The following SYNPR variants were observed in gnomAD, a reference collection of about 807,000 sequenced individuals.
SYNPR encodes the protein synaptoporin.
In SYNPR, 23 loss-of-function variants were observed where a neutral mutation model predicts 32.9. That is an observed-to-expected ratio of 0.70 (90% CI 0.50 to 0.99). The LOEUF is 0.99. SYNPR is among the 50% of genes least tolerant of loss of function. SYNPR has a pLI of 0.00. For missense variants in SYNPR, 318 were observed against 349.3 expected, an observed-to-expected ratio of 0.91 and a Z score of 0.71; for synonymous variants, 146 against 135.9, an observed-to-expected ratio of 1.07 and a Z score of -0.52.
intron 3 of SYNPR, chr3:63,545,333 G>A (rs1702381066): frequency 6.6e-6 from 1 of 152,058 alleles, no homozygotes; most frequent in South Asian, 2.1e-4. Flanking sequence ...TTAACATTTT[G>A]GGAATTAAGA....
At chr3:63,613,441 T>C (rs1021461419) in intron 5 of SYNPR, among the ~76,000 whole-genome samples, 3 of 151,478 alleles carry the variant, frequency 2.0e-5, no homozygotes, top group African/African-American at 4.9e-5. Context: ...GGTTCTCAAT[T>C]AGTGTAAAAA....
intron 4 of SYNPR, among the ~76,000 whole-genome samples, chr3:63,576,704 T>A (rs1230907634): frequency 6.7e-6 from 1 of 148,426 alleles, no homozygotes; most frequent in Non-Finnish European, 1.5e-5. Flanking sequence ...GGCAGGAGAA[T>A]CACTTGAACC....
intron 2 of SYNPR, among the ~76,000 whole-genome samples, chr3:63,368,235 G>T (rs1408716761): frequency 1.3e-5 from 2 of 152,178 alleles, no homozygotes; most frequent in Admixed American, 6.5e-5. Context: ...GCCTTGGTTA[G>T]CACATTGTCT....
intron 3 of SYNPR, among the ~76,000 whole-genome samples, chr3:63,512,135 C>T (rs1701709123): frequency 6.6e-6 from 1 of 152,066 alleles, no homozygotes; most frequent in Non-Finnish European, 1.5e-5. Flanking sequence ...AATCTCTTTG[C>T]TTACATAATA....
chr3:63,474,696 A>C (rs758844754), intron 2 of SYNPR, among the ~76,000 whole-genome samples: 6 of 152,128 alleles, frequency 3.9e-5, no homozygotes, highest in Non-Finnish European at 7.4e-5. Flanking sequence ...GTTTGTTGGC[A>C]AACTCAACTT....
At chr3:63,291,198 T>C (rs1409920154) in intron 2 of SYNPR, among the ~76,000 whole-genome samples, 2 of 149,966 alleles carry the variant, frequency 1.3e-5, no homozygotes, top group Non-Finnish European at 3.0e-5. Flanking sequence ...CTCAAGTTTC[T>C]CAGGGATTTT....
chr3:63,242,577 G>C (rs1240373581), intron 1 of SYNPR, among the ~76,000 whole-genome samples: 1 of 152,078 alleles, frequency 6.6e-6, no homozygotes, highest in Non-Finnish European at 1.5e-5. Flanking sequence ...TCAAATGAGT[G>C]AAACTCACAG....
chr3:63,503,963 T>C lies in SYNPR; in HGVS notation c.209+23007T>C, dbSNP rs181496640. ...CCCAGCATTAACAGATTATAGAAGA[T>C]TACCATTTCCTACTTAGTATTCCAT... On this transcript the variant is annotated intron_variant, in intron 3 of 5. Transcript: ENST00000478300. Among the ~76,000 whole-genome samples, 39 of 152,224 alleles carry C rather than the reference T, an allele frequency of 2.6e-4. No individual in the cohort carries two copies. In the East Asian group the frequency reaches 4.4e-3, roughly 17 times the overall value.
intron 2 of SYNPR, among the ~76,000 whole-genome samples, chr3:63,401,260 T>A (rs974363999): frequency 1.3e-5 from 2 of 152,168 alleles, no homozygotes; most frequent in African/African-American, 2.4e-5. Flanking sequence ...GATAGCTGAA[T>A]TTTCTTATGA....
chr3:63,469,503 A>T (rs1360316850), intron 2 of SYNPR, among the ~76,000 whole-genome samples: 1 of 152,222 alleles, frequency 6.6e-6, no homozygotes, highest in Non-Finnish European at 1.5e-5. Context: ...AAAAATACCA[A>T]GTTCAAAAAC....
chr3:63,309,014 T>A (rs1608452), intron 2 of SYNPR, among the ~76,000 whole-genome samples: 67,830 of 151,802 alleles, frequency 0.45, 15,377 homozygotes, highest in Middle Eastern at 0.52. Context: ...CACAGATCAC[T>A]GATGCGCTGT....
chr3:63,280,434 C>T (rs1159722963), intron 2 of SYNPR, among the ~76,000 whole-genome samples: 2 of 152,048 alleles, frequency 1.3e-5, no homozygotes, highest in African/African-American at 4.8e-5. Context: ...CCAGATCCCT[C>T]CAAAACTCAA....
At chr3:63,383,926 T>G (rs769972717) in intron 2 of SYNPR, among the ~76,000 whole-genome samples, 13 of 152,226 alleles carry the variant, frequency 8.5e-5, no homozygotes, top group Non-Finnish European at 1.6e-4. Context: ...CTATGTGTGG[T>G]GATGAATGTG....
At chr3:63,521,885 G>T (rs1309809197) in intron 3 of SYNPR, among the ~76,000 whole-genome samples, 1 of 152,166 alleles carries the variant, frequency 6.6e-6, no homozygotes, top group Non-Finnish European at 1.5e-5. Context: ...ATAGCTCCTT[G>T]ACCACCCCAA....
chr3:63,285,471 C>T (rs1560179183), intron 2 of SYNPR, among the ~76,000 whole-genome samples: 1 of 152,160 alleles, frequency 6.6e-6, no homozygotes, highest in South Asian at 2.1e-4. Context: ...TCGTGAGCAG[C>T]AATCTACGAT....
At chr3:63,505,074 T>TC (rs1701561865) in intron 3 of SYNPR, among the ~76,000 whole-genome samples, 1 of 152,140 alleles carries the variant, frequency 6.6e-6, no homozygotes, top group Admixed American at 6.6e-5. Flanking sequence ...GAGCATACTG[T>TC]CAGTGATCAG....
intron 3 of SYNPR, among the ~76,000 whole-genome samples, chr3:63,508,842 A>C (rs755886395): frequency 1.3e-5 from 2 of 152,152 alleles, no homozygotes; most frequent in Non-Finnish European, 2.9e-5. Context: ...TATTCCCAGA[A>C]GAAAAGAAGG....
intron 1 of SYNPR, among the ~76,000 whole-genome samples, chr3:63,237,487 T>A (rs1159368829): frequency 3.9e-5 from 6 of 152,208 alleles, no homozygotes; most frequent in African/African-American, 1.4e-4. Flanking sequence ...GTTCTTATGA[T>A]GACTGCTTTA....
chr3:63,218,411 A>G, the SYNPR span, among the ~76,000 whole-genome samples: 2 of 152,186 alleles, frequency 1.3e-5, no homozygotes, highest in African/African-American at 4.8e-5. Context: ...TGTGCCTCAC[A>G]TTGCACCCAG....
Sources: gnomAD v4.1 joint callset for allele counts (sites outside exome capture counted in the v4.1 genomes callset) on GRCh38, gnomAD v4.1.1 for gene constraint, MANE v1.5 for transcripts, NCBI Gene and HGNC (gene_info 2026-07-23, HGNC 2026-07-21) for gene names.